SRGAP1: variants seen among roughly 807,000 people sequenced by gnomAD.
The protein encoded by SRGAP1 is SLIT-ROBO Rho GTPase-activating protein 1.
In SRGAP1, 43 loss-of-function variants were observed where a neutral mutation model predicts 121.9. That is an observed-to-expected ratio of 0.35 (90% CI 0.28 to 0.46). SRGAP1 has a LOEUF of 0.46. SRGAP1 is among the 20% of genes least tolerant of loss of function. The pLI is 1.00. For missense variants in SRGAP1, 1,102 were observed against 1,350.9 expected, an observed-to-expected ratio of 0.82 and a Z score of 2.89; for synonymous variants, 447 against 485.4, an observed-to-expected ratio of 0.92 and a Z score of 1.04.
intron 4 of SRGAP1, among the ~76,000 whole-genome samples, chr12:64,031,266 C>T (rs1464638977): frequency 7.1e-6 from 1 of 141,758 alleles, no homozygotes; most frequent in Non-Finnish European, 1.5e-5. Context: ...TGCAGTGAGC[C>T]GAGATCACAC....
rs148856887 is a variant in SRGAP1 at position 64,103,687 on chromosome 12, A to C, written c.1814-5245A>C. On this transcript the variant is annotated intron_variant, in intron 15 of 21. Coordinates refer to ENST00000355086, the MANE Select transcript of SRGAP1 (RefSeq NM_020762.4). ...TCCTTTATCCTTAAAAATATTTAATAGGCTGAGTATCTGAACTGAGTAGGT... is the reference window on the plus strand; with the variant it reads ...TCCTTTATCCTTAAAAATATTTAATCGGCTGAGTATCTGAACTGAGTAGGT... 3.5e-4 allele frequency among the ~76,000 whole-genome samples: 54 copies of C among 152,344 alleles called. No individual in the cohort carries two copies. The East Asian group carries it at 9.8e-3, about 28-fold the overall frequency.
At chr12:64,000,275 TA>T (rs1555163999) in intron 3 of SRGAP1, among the ~76,000 whole-genome samples, 141 of 133,358 alleles carry the variant, frequency 1.1e-3, no homozygotes, top group African/African-American at 2.5e-3. Flanking sequence ...TGTGTGTGTG[TA>T]AAAAAAAAAA....
chr12:63,903,657 C>A (rs920066511), intron 1 of SRGAP1, among the ~76,000 whole-genome samples: 5 of 151,238 alleles, frequency 3.3e-5, no homozygotes, highest in Admixed American at 6.6e-5. Context: ...TGCCTTGAGA[C>A]AGAGTCTCAC....
At chr12:64,117,225 G>C (rs2036536995) in intron 18 of SRGAP1, among the ~76,000 whole-genome samples, 1 of 152,134 alleles carries the variant, frequency 6.6e-6, no homozygotes, top group African/African-American at 2.4e-5. Flanking sequence ...AGGCCCAAGA[G>C]GTCAGAAGAT....
chr12:64,058,008 C>T (rs1052241211), intron 6 of SRGAP1, among the ~76,000 whole-genome samples: 1 of 152,152 alleles, frequency 6.6e-6, no homozygotes. Flanking sequence ...ACTTCTACCC[C>T]ACTAGGGCTC....
intron 1 of SRGAP1, among the ~76,000 whole-genome samples, chr12:63,882,987 A>G (rs1900246794): frequency 3.3e-5 from 5 of 152,210 alleles, no homozygotes; most frequent in Admixed American, 2.6e-4. Context: ...ATGAGGAGAT[A>G]TCCAGTTACA....
intron 1 of SRGAP1, among the ~76,000 whole-genome samples, chr12:63,901,370 G>A (rs1446113900): frequency 6.6e-6 from 1 of 152,182 alleles, no homozygotes; most frequent in African/African-American, 2.4e-5. Flanking sequence ...TCTCCCTGTT[G>A]AGTTGTATTG....
At chr12:64,139,069 A>G (rs2136651341) in intron 21 of SRGAP1, among the ~76,000 whole-genome samples, 1 of 152,362 alleles carries the variant, frequency 6.6e-6, no homozygotes, top group Admixed American at 6.5e-5. Context: ...ACCTATATAA[A>G]TGTCTGGAGG....
rs1565704763 is a variant in SRGAP1 at position 64,151,585 on chromosome 12, C to A, written c.*8913C>A. The A allele has an allele frequency of 1.3e-5, 2 of 152,088 alleles. No individual in the cohort carries two copies. The highest frequency in any genetic ancestry group is 4.2e-4 in the South Asian group (2 of 4,814). The allele number at this position is 152,088 out of a possible 1,614,324, so 9.4% of individuals were successfully genotyped here. A position where few individuals can be genotyped will look rare whatever the true frequency, so the allele number is the denominator to read the frequency against. ...CAAATATTGCCGACCTGTTTTCCAG[C>A]AAAGTTGTACAAATTTACATCCCTG... On this transcript the variant is annotated 3_prime_UTR_variant, in exon 22 of 22. Transcript: ENST00000355086.
intron 17 of SRGAP1, among the ~76,000 whole-genome samples, chr12:64,113,841 C>T (rs757273410): frequency 6.6e-6 from 1 of 152,152 alleles, no homozygotes; most frequent in South Asian, 2.1e-4. Flanking sequence ...AGTCTTCTTA[C>T]TCAGCAACCT....
chr12:63,855,479 T>TTTTTTTTG (rs1565922045), intron 1 of SRGAP1, among the ~76,000 whole-genome samples: 75 of 100,698 alleles, frequency 7.4e-4, no homozygotes, highest in African/African-American at 2.6e-3. Context: ...TGGTGTTTTT[T>TTTTTTTTG]TTTTTTTTTT....
At chr12:64,013,635 T>C (rs2034317038) in intron 3 of SRGAP1, among the ~76,000 whole-genome samples, 1 of 152,184 alleles carries the variant, frequency 6.6e-6, no homozygotes, top group South Asian at 2.1e-4. Context: ...TGGAGCCTGC[T>C]CCTCTAGGGC....
At chr12:64,096,353 C>CA (rs1197530867) in intron 14 of SRGAP1, among the ~76,000 whole-genome samples, 1 of 151,642 alleles carries the variant, frequency 6.6e-6, no homozygotes, top group East Asian at 1.9e-4. Context: ...CCCTAAGAAG[C>CA]AAAAAAATAC....
chr12:63,946,541 CT>C (rs35628309), intron 1 of SRGAP1, among the ~76,000 whole-genome samples: 15,530 of 138,404 alleles, frequency 0.11, 1,122 homozygotes, highest in African/African-American at 0.23. Context: ...CTTTTGTATT[CT>C]TTTTTTTTTT....
intron 1 of SRGAP1, among the ~76,000 whole-genome samples, chr12:63,891,655 A>C (rs2136297097): frequency 6.6e-6 from 1 of 152,244 alleles, no homozygotes; most frequent in Admixed American, 6.5e-5. Flanking sequence ...TATTCAGTAA[A>C]AATACTGACA....
At chr12:64,094,751 GT>G (rs1462947321) in intron 12 of SRGAP1, among the ~76,000 whole-genome samples, 180 bp from the exon 13 acceptor site, 1 of 152,124 alleles carries the variant, frequency 6.6e-6, no homozygotes, top group Non-Finnish European at 1.5e-5. Flanking sequence ...GATGAATTAG[GT>G]TTTGACATCT....
intron 4 of SRGAP1, among the ~76,000 whole-genome samples, chr12:64,035,008 G>A (rs2034868193): frequency 6.6e-6 from 1 of 151,258 alleles, no homozygotes; most frequent in African/African-American, 2.4e-5. Flanking sequence ...ATGACCTCAG[G>A]GATCAGCAAC....
At chr12:64,137,877 G>T (rs1242109999) in intron 21 of SRGAP1, among the ~76,000 whole-genome samples, 2 of 150,548 alleles carry the variant, frequency 1.3e-5, no homozygotes, top group Admixed American at 1.3e-4. Context: ...GTCAGGAAGA[G>T]ATATTTCAGT....
At chr12:64,015,650 G>A (rs1408882515) in intron 3 of SRGAP1, among the ~76,000 whole-genome samples, 1 of 152,170 alleles carries the variant, frequency 6.6e-6, no homozygotes, top group Admixed American at 6.5e-5. Flanking sequence ...ATGACCTCAT[G>A]TTTACAGATG....
Sources: allele counts gnomAD v4.1 joint callset (sites outside exome capture counted in the v4.1 genomes callset), GRCh38; gene constraint gnomAD v4.1.1; transcripts MANE v1.5; gene names NCBI Gene and HGNC (gene_info 2026-07-23, HGNC 2026-07-21).